Variants in CTNNB1 observed in about 807,000 individuals in gnomAD.
CTNNB1 encodes catenin beta-1.
In CTNNB1, 6 loss-of-function variants were observed where a neutral mutation model predicts 82.5. The ratio of observed to expected loss-of-function variants is 0.07; its 90% CI spans 0.04 to 0.14. The LOEUF (loss-of-function observed/expected upper bound fraction) is 0.14. CTNNB1 is among the 10% of genes least tolerant of loss of function. The pLI, the probability that CTNNB1 is intolerant of heterozygous loss-of-function variation, is 1.00. For synonymous variants in CTNNB1, 312 were observed against 329.7 expected (o/e 0.95, Z 0.58); for missense variants, 529 against 980.4 (o/e 0.54, Z 6.15).
intron 13 of CTNNB1, chr3:41,237,414 A>C (rs1307964054): frequency 6.9e-6 from 1 of 144,312 alleles, no homozygotes; most frequent in East Asian, 2.1e-4. Context: ...GAGTTAACAG[A>C]CTGCACTCAG....
chr3:41,233,263 A>G lies in CTNNB1; in HGVS notation c.1082-78A>G, dbSNP rs2078353620. 9.1e-6 allele frequency: 11 copies of G among 1,212,024 alleles called. No homozygotes were observed. In the South Asian group the frequency reaches 1.4e-4, roughly 15 times the overall value. 75.1% of individuals were successfully genotyped at this position (1,212,024 alleles called of 1,614,324 possible). On this transcript the variant is annotated intron_variant, in intron 7 of 14. Transcript: ENST00000349496. ...CTGGAAATACAGAAGGACACCTCCT[A>G]AGGCTAGAACAGATATTTAGGATTG...
At chr3:41,234,341 G>A (rs2125642290) in intron 10 of CTNNB1, 44 bp downstream of exon 10, 1 of 1,603,008 alleles carries the variant, frequency 6.2e-7, no homozygotes, top group Non-Finnish European at 8.5e-7. Context: ...TAAAAGGAAT[G>A]CATAAATCCA....
At position 41,225,430 on chromosome 3, in the gene CTNNB1, A is replaced by T. The variant is rs982974494; in HGVS notation, c.592A>T (p.Ile198Phe). Residue 198 changes from isoleucine (I) to phenylalanine (F), a missense_variant, in exon 5 of 15, where the codon ATT becomes TTT. Physicochemically the swap from Ile to Phe is conservative, Grantham distance 21. Coordinates refer to ENST00000349496, the MANE Select transcript of CTNNB1 (RefSeq NM_001904.4). This position sits in a 1 kb window ranked among gnomAD's most constrained non-coding sequence, Gnocchi z 5.3. ...IMRSPQMVSA[I>F]VRTMQNTNDV... ...GCGTTCTCCTCAGATGGTGTCTGCT[A>T]TTGTACGTACCATGCAGAATACAAA... is the stretch of plus-strand genomic sequence containing the variant. 6.2e-7 allele frequency: 1 copy of T among 1,613,882 alleles called. No homozygotes were observed.
At chr3:41,202,459 G>C (rs1283750862) in intron 1 of CTNNB1, among the ~76,000 whole-genome samples, 1 of 152,186 alleles carries the variant, frequency 6.6e-6, no homozygotes, top group African/African-American at 2.4e-5. Context: ...TGTTAACTTA[G>C]TTTTCTTGTA....
intron 11 of CTNNB1, 126 bp downstream of exon 11, chr3:41,235,969 C>A: frequency 8.0e-7 from 1 of 1,253,856 alleles, no homozygotes; most frequent in Non-Finnish European, 1.2e-6. Flanking sequence ...TGAAAATTCC[C>A]TACATTTTTT....
At chr3:41,202,927 C>T (rs966473142) in intron 1 of CTNNB1, among the ~76,000 whole-genome samples, 21 of 152,140 alleles carry the variant, frequency 1.4e-4, no homozygotes, top group African/African-American at 4.8e-4. Flanking sequence ...GAGGCCTGAA[C>T]CCTGCTGTCC....
intron 1 of CTNNB1, among the ~76,000 whole-genome samples, chr3:41,211,432 TAGAA>T (rs968707439): frequency 6.6e-5 from 10 of 152,210 alleles, no homozygotes; most frequent in African/African-American, 2.2e-4. Flanking sequence ...GCAGGTTTGT[TAGAA>T]AGAGTATATC....
At chr3:41,214,208 A>G (rs1291202526) in intron 1 of CTNNB1, among the ~76,000 whole-genome samples, 1 of 152,068 alleles carries the variant, frequency 6.6e-6, no homozygotes, top group African/African-American at 2.4e-5. Flanking sequence ...AGCATCAGCG[A>G]CCTGTGACAT....
chr3:41,227,552 T>C (rs565066730), intron 7 of CTNNB1, among the ~76,000 whole-genome samples, 200 bp downstream of exon 7: 10 of 152,362 alleles, frequency 6.6e-5, no homozygotes, highest in African/African-American at 1.9e-4. Flanking sequence ...AGAGTTCTTA[T>C]TATCCATCAA....
intron 1 of CTNNB1, among the ~76,000 whole-genome samples, chr3:41,213,029 A>T (rs757671389): frequency 6.6e-6 from 1 of 152,208 alleles, no homozygotes; most frequent in African/African-American, 2.4e-5. Flanking sequence ...TAAAAACTCA[A>T]ATAAGATTGT....
intron 1 of CTNNB1, among the ~76,000 whole-genome samples, chr3:41,213,711 A>T (rs973421081): frequency 6.6e-6 from 1 of 152,234 alleles, no homozygotes; most frequent in Admixed American, 6.5e-5. Flanking sequence ...GAAAACAAAA[A>T]AATATATACT....
At chr3:41,200,804 T>C (rs1045143814) in intron 1 of CTNNB1, among the ~76,000 whole-genome samples, 3 of 152,206 alleles carry the variant, frequency 2.0e-5, no homozygotes, top group East Asian at 1.9e-4. Flanking sequence ...GTGTATGTAG[T>C]TGTTGCCTTC....
chr3:41,215,451 A>G (rs1489647667), intron 1 of CTNNB1, among the ~76,000 whole-genome samples: 1 of 150,542 alleles, frequency 6.6e-6, no homozygotes, highest in Non-Finnish European at 1.5e-5. Context: ...AAGCCTCCAT[A>G]TTACATTTTG....
At chr3:41,200,554 G>T (rs1312810914) in intron 1 of CTNNB1, among the ~76,000 whole-genome samples, 1 of 152,164 alleles carries the variant, frequency 6.6e-6, no homozygotes, top group Admixed American at 6.5e-5. Flanking sequence ...AATTTTGTTC[G>T]TAGAAATAAT....
At chr3:41,204,733 C>T (rs747676229) in intron 1 of CTNNB1, among the ~76,000 whole-genome samples, 1 of 152,206 alleles carries the variant, frequency 6.6e-6, no homozygotes, top group Non-Finnish European at 1.5e-5. Context: ...CTGTATTCAG[C>T]ACAAATTAAA....
chr3:41,233,693 T>C lies in CTNNB1; in HGVS notation c.1350T>C (p.Thr450=), dbSNP rs543693510. The stretch of plus-strand genomic sequence containing the variant: ...GTGGTATAGAGGCTCTTGTGCGTAC[T>C]GTCCTTCGGGCTGGTGACAGGGAAG... ...QVGGIEALVR[T]VLRAGDREDI... Residue 450 remains threonine (T), a synonymous_variant, in exon 9 of 15, where the codon ACT becomes ACC. Coordinates refer to ENST00000349496, the MANE Select transcript of CTNNB1 (RefSeq NM_001904.4). 3.7e-6 allele frequency: 6 copies of C among 1,614,162 alleles called. No homozygotes were observed. The Admixed American group carries it at 6.7e-5, about 18-fold the overall frequency.
chr3:41,237,751 C>T, intron 13 of CTNNB1: 1 of 428,168 alleles, frequency 2.3e-6, no homozygotes, highest in Non-Finnish European at 4.3e-6. Flanking sequence ...TAGAACAGTG[C>T]CTGGCAGCAC....
Position 41,225,529 on chromosome 3 carries a change from A to C in CTNNB1, c.691A>C (p.Ile231Leu), listed in dbSNP as rs2125623346. ...CCATCATCGTGAGGGCTTACTGGCC[A>C]TCTTTAAGTCTGGAGGCATTCCTGC... ...LSHHREGLLAIFKSGGIPALV... is the reference protein window; with the variant it reads ...LSHHREGLLALFKSGGIPALV... Residue 231 changes from isoleucine to leucine, a missense_variant, in exon 5 of 15, where the codon ATC becomes CTC. Around this residue, in one of 4 missense-constraint regions of CTNNB1, gnomAD observed 411 missense variants for 776.4 expected, o/e 0.53. Coordinates refer to ENST00000349496, the MANE Select transcript of CTNNB1 (RefSeq NM_001904.4). This position sits in a 1 kb window ranked among gnomAD's most constrained non-coding sequence, Gnocchi z 5.3. 6.2e-7 allele frequency: 1 copy of C among 1,614,146 alleles called. No individual in the cohort carries two copies.
intron 1 of CTNNB1, 45 bp from the exon 2 acceptor site, chr3:41,223,972 TAATC>T (rs1207702628): frequency 9.2e-6 from 12 of 1,305,564 alleles, no homozygotes; most frequent in Admixed American, 3.4e-5. Context: ...TTAGGAGTAT[TAATC>T]AAGCTAAATT....
Sources: allele counts gnomAD v4.1 joint callset (sites outside exome capture counted in the v4.1 genomes callset), GRCh38; gene constraint gnomAD v4.1.1; regional missense constraint gnomAD v4.1.1; non-coding constraint Gnocchi (gnomAD v3.1); transcripts MANE v1.5; gene names NCBI Gene and HGNC (gene_info 2026-07-23, HGNC 2026-07-21).